WRN: variants seen among roughly 807,000 people sequenced by gnomAD.
WRN encodes the protein bifunctional 3'-5' exonuclease/ATP-dependent helicase WRN.
A neutral mutation model predicts 180.7 loss-of-function variants in WRN; 149 were observed. The observed-to-expected ratio is 0.82, with a 90% CI of 0.72 to 0.94. The LOEUF (loss-of-function observed/expected upper bound fraction) is 0.94, where lower values mean the gene tolerates loss of function less well. WRN is among the 40% of genes least tolerant of loss of function. The pLI is 0.00. For missense variants in WRN, 1,661 were observed against 1,700.1 expected (o/e 0.98, Z 0.40); for synonymous variants, 548 against 568.9 (o/e 0.96, Z 0.52).
In WRN at chr8:31,124,621, A is replaced by G. The variant is rs2130343150; in HGVS notation, c.2730A>G (p.Arg910=). Residue 910 remains arginine (R), a splice_region_variant and synonymous_variant, in exon 22 of 35, where the codon AGA becomes AGG. Coordinates refer to ENST00000298139, the MANE Select transcript of WRN (RefSeq NM_000553.6). The part of the protein sequence containing the change: ...EKYLHSSRCR[R]QIILSHFEDK... Reference sequence around the variant, plus strand: ...ATCTTCATTCTAGCAGATGTAGGAGACAGTATGTATTATTTATTTTATGCC... The same window carrying G: ...ATCTTCATTCTAGCAGATGTAGGAGGCAGTATGTATTATTTATTTTATGCC... The G allele has an allele frequency of 6.2e-7, 1 of 1,605,818 alleles. No individual in the cohort carries two copies. The highest frequency in any genetic ancestry group is 1.1e-5 in the South Asian group (1 of 90,876).
chr8:31,133,088 A>G (rs1464292256), intron 24 of WRN, among the ~76,000 whole-genome samples: 1 of 152,168 alleles, frequency 6.6e-6, no homozygotes, highest in Non-Finnish European at 1.5e-5. Context: ...ATGTTCCAGT[A>G]TTCTTCTAAA....
intron 29 of WRN, 101 bp downstream of exon 29, chr8:31,147,229 T>C: frequency 1.3e-6 from 2 of 1,490,084 alleles, no homozygotes; most frequent in Non-Finnish European, 1.9e-6. Flanking sequence ...AAATTGTTCT[T>C]AAGCTAAGAG....
chr8:31,130,597 A>G (rs892924476), intron 23 of WRN, among the ~76,000 whole-genome samples: 4 of 145,120 alleles, frequency 2.8e-5, no homozygotes, highest in Non-Finnish European at 6.0e-5. Flanking sequence ...AGCGTTTAAC[A>G]ATTTATAGCA....
chr8:31,045,425 G>A (rs1811822735), intron 1 of WRN, among the ~76,000 whole-genome samples: 1 of 148,802 alleles, frequency 6.7e-6, no homozygotes, highest in Non-Finnish European at 1.5e-5. Flanking sequence ...TTTTTGACTG[G>A]GAGTCTCGTT....
chr8:31,075,764 C>T (rs1228288873), intron 7 of WRN, among the ~76,000 whole-genome samples: 1 of 151,048 alleles, frequency 6.6e-6, no homozygotes, highest in African/African-American at 2.4e-5. Context: ...TTGGTGCTGA[C>T]TGGGAATGAA....
rs1233729658 is a variant in WRN at position 31,093,225 on chromosome 8, T to G, written c.1898+1327T>G. On this transcript the variant is annotated intron_variant, in intron 16 of 34. Transcript: ENST00000298139. ...CAAATAAAGCTGAGACACATATAAG[T>G]CTTTGTATGGACATATGGTTTCATT... Among the ~76,000 whole-genome samples, 3 of 152,202 alleles carry G rather than the reference T, an allele frequency of 2.0e-5. No individual in the cohort carries two copies. In the East Asian group the frequency reaches 5.8e-4, roughly 29 times the overall value.
intron 7 of WRN, among the ~76,000 whole-genome samples, chr8:31,072,855 G>A (rs1812962848): frequency 6.6e-6 from 1 of 152,178 alleles, no homozygotes; most frequent in Non-Finnish European, 1.5e-5. Flanking sequence ...AGGGAGCCAT[G>A]TGGTTATCTG....
intron 23 of WRN, among the ~76,000 whole-genome samples, chr8:31,126,707 G>A (rs954282367): frequency 3.9e-5 from 6 of 151,992 alleles, no homozygotes; most frequent in African/African-American, 1.4e-4. Flanking sequence ...GAGACCCTAT[G>A]TCAAAAAAAT....
intron 31 of WRN, among the ~76,000 whole-genome samples, chr8:31,151,067 G>A (rs1803105330): frequency 6.6e-6 from 1 of 152,174 alleles, no homozygotes. Flanking sequence ...AGGTAGAGGG[G>A]AGACTACTAG....
chr8:31,139,209 C>T (rs187226515), intron 24 of WRN, among the ~76,000 whole-genome samples: 1 of 152,074 alleles, frequency 6.6e-6, no homozygotes, highest in Admixed American at 6.5e-5. Context: ...CCTATAGTTG[C>T]CTTAGTTAAG....
At chr8:31,040,556 A>G (rs982175976) in intron 1 of WRN, among the ~76,000 whole-genome samples, 4 of 152,188 alleles carry the variant, frequency 2.6e-5, no homozygotes, top group African/African-American at 9.7e-5. Flanking sequence ...ACCTGATAAA[A>G]TGTTTCAAGA....
In WRN at chr8:31,066,336, A is replaced by G. The variant is rs540391033; in HGVS notation, c.505-697A>G. ...GAGTAGCTGGCACTACAGGCGTGCCACCACACCCAGCTAATTTTTTGTATT... is the reference window on the plus strand; with the variant it reads ...GAGTAGCTGGCACTACAGGCGTGCCGCCACACCCAGCTAATTTTTTGTATT... On this transcript the variant is annotated intron_variant, in intron 5 of 34. Coordinates refer to ENST00000298139, the MANE Select transcript of WRN (RefSeq NM_000553.6). Among the ~76,000 whole-genome samples the G allele has an allele frequency of 2.0e-5, 3 of 152,040 alleles. No homozygotes were observed. In the South Asian group the frequency reaches 6.2e-4, roughly 32 times the overall value.
intron 23 of WRN, among the ~76,000 whole-genome samples, chr8:31,130,393 A>C (rs1195342947): frequency 2.0e-5 from 3 of 152,188 alleles, no homozygotes; most frequent in Non-Finnish European, 2.9e-5. Context: ...ACTCTAAGGA[A>C]AGCAATTGAA....
At chr8:31,153,009 C>T (rs1055708395) in intron 31 of WRN, among the ~76,000 whole-genome samples, 3 of 150,848 alleles carry the variant, frequency 2.0e-5, no homozygotes, top group African/African-American at 7.4e-5. Context: ...TGCCACAATA[C>T]TCCAGCCTGA....
At position 31,172,953 on chromosome 8, in the gene WRN, T is replaced by C. The variant is rs746882659; in HGVS notation, c.4192-42T>C. ...TTTTGCAACTAATACCCCTTCTCAG[T>C]AGTACAAAGATTTGATTTCTTTTTC... is the stretch of plus-strand genomic sequence containing the variant. On this transcript the variant is annotated intron_variant, in intron 34 of 34. Coordinates refer to ENST00000298139, the MANE Select transcript of WRN (RefSeq NM_000553.6). 14 of 1,588,386 alleles carry C rather than the reference T, an allele frequency of 8.8e-6. No individual in the cohort carries two copies. The Admixed American group carries it at 2.2e-4, about 25-fold the overall frequency.
Position 31,064,480 on chromosome 8 carries a change from A to G in WRN, c.355+46A>G, listed in dbSNP as rs763509734. On this transcript the variant is annotated intron_variant, in intron 4 of 34. Transcript: ENST00000298139. ...TTTTTATATGGCTGATAATTGTAAT[A>G]TGTCAACTTTATCCCTATAAAATTA... is the stretch of plus-strand genomic sequence containing the variant. 3 of 1,612,586 alleles carry G rather than the reference A, an allele frequency of 1.9e-6. No individual in the cohort carries two copies. In the South Asian group the frequency reaches 3.3e-5, roughly 18 times the overall value.
In WRN at chr8:31,173,085, G is replaced by A. The variant is rs2130530546; in HGVS notation, c.4282G>A (p.Gly1428Arg). 1 of 1,613,902 alleles carries A rather than the reference G, an allele frequency of 6.2e-7. No homozygotes were observed. The highest frequency in any genetic ancestry group is 8.5e-7 in the Non-Finnish European group (1 of 1,179,896). The change falls in exon 35 of 35, where the codon GGA becomes AGA. Residue 1428 changes from glycine to arginine, a missense_variant. By Grantham distance (125) the Gly-to-Arg change is moderately radical. Transcript: ENST00000298139. ...GAAATTAATGGACAAAACGAAAAGG[G>A]GAGGTCTTTTTAGTTAAGCTGGCAA... ...SKKLMDKTKR[G>R]GLFS is the part of the protein sequence containing the mutation.
At chr8:31,128,858 C>CA (rs201367155) in intron 23 of WRN, among the ~76,000 whole-genome samples, 9 of 151,568 alleles carry the variant, frequency 5.9e-5, no homozygotes, top group African/African-American at 2.2e-4. Flanking sequence ...GACTCTGTCT[C>CA]AAAAAAAACC....
intron 31 of WRN, among the ~76,000 whole-genome samples, chr8:31,152,090 T>C (rs1433706151): frequency 6.6e-6 from 1 of 152,154 alleles, no homozygotes; most frequent in Admixed American, 6.6e-5. Flanking sequence ...TCCATAAATG[T>C]ACAATTAAAG....
Sources: gnomAD v4.1 joint callset for allele counts (sites outside exome capture counted in the v4.1 genomes callset) on GRCh38, gnomAD v4.1.1 for gene constraint, MANE v1.5 for transcripts, NCBI Gene and HGNC (gene_info 2026-07-23, HGNC 2026-07-21) for gene names.